The following DGKI variants were observed in gnomAD, a reference collection of about 807,000 sequenced individuals.
DGKI encodes the protein DAG kinase iota.
A neutral mutation model predicts 147.5 loss-of-function variants in DGKI; 55 were observed. The observed-to-expected ratio is 0.37, with a 90% CI of 0.30 to 0.47. The LOEUF (loss-of-function observed/expected upper bound fraction) is 0.47. Among genes scored for constraint, DGKI ranks in the 20% least tolerant of loss-of-function variants. The pLI is 1.00. For synonymous variants in DGKI, 469 were observed against 477.1 expected, an observed-to-expected ratio of 0.98 and a Z score of 0.22; for missense variants, 1,007 against 1,323.8, an observed-to-expected ratio of 0.76 and a Z score of 3.71.
chr7:137,732,161 C>T (rs1157811545), intron 1 of DGKI, among the ~76,000 whole-genome samples: 3 of 151,984 alleles, frequency 2.0e-5, no homozygotes, highest in Non-Finnish European at 4.4e-5. Context: ...TCTAGTTTCA[C>T]AATAGTATAT....
intron 18 of DGKI, among the ~76,000 whole-genome samples, chr7:137,571,878 G>GAAGGACA (rs1025292635): frequency 1.3e-5 from 2 of 151,798 alleles, no homozygotes; most frequent in African/African-American, 4.8e-5. Flanking sequence ...AAGAGAGGAA[G>GAAGGACA]AAGGACAAGA....
Position 137,577,241 on chromosome 7 carries a change from G to A in DGKI, c.1742C>T (p.Ser581Phe). 5 of 1,598,072 alleles carry A rather than the reference G, an allele frequency of 3.1e-6. No homozygotes were observed. The highest frequency in any genetic ancestry group is 4.3e-6 in the Non-Finnish European group (5 of 1,169,260). Residue 581 changes from serine to phenylalanine, a missense_variant, in exon 17 of 33, where the codon TCC becomes TTC. Ser to Phe is a radical substitution (Grantham distance 155). Coordinates refer to ENST00000614521, the MANE Select transcript of DGKI (RefSeq NM_001321708.2). The part of the protein sequence containing the change: ...DFLQRSSRDL[S>F]KHVKVVCDGT... ...ACTTACAACAACTTTAACATGTTTG[G>A]ATAGATCTCTAGAACTTCTCTGTAG...
intron 1 of DGKI, among the ~76,000 whole-genome samples, chr7:137,754,846 C>A (rs3800654): frequency 0.25 from 37,288 of 151,984 alleles, 4,761 homozygotes; most frequent in Middle Eastern, 0.39. Flanking sequence ...TGACTCACAG[C>A]AGAGGGGTGG....
chr7:137,586,382 C>T (rs1819396443), intron 13 of DGKI, among the ~76,000 whole-genome samples: 1 of 151,430 alleles, frequency 6.6e-6, no homozygotes, highest in South Asian at 2.1e-4. Context: ...GAGCTGAGAT[C>T]GTACCACTGC....
chr7:137,575,368 C>T (rs1015280592), intron 17 of DGKI, among the ~76,000 whole-genome samples: 3 of 152,124 alleles, frequency 2.0e-5, no homozygotes, highest in African/African-American at 7.2e-5. Context: ...TAAAGTCACC[C>T]ATGCATGAGA....
intron 20 of DGKI, among the ~76,000 whole-genome samples, chr7:137,533,236 C>T (rs909999087): frequency 1.3e-5 from 2 of 151,982 alleles, no homozygotes; most frequent in Admixed American, 6.6e-5. Flanking sequence ...TTGCAATCAA[C>T]TATAATAGTG....
chr7:137,797,550 G>C (rs1424366), intron 1 of DGKI, among the ~76,000 whole-genome samples: 46,883 of 151,948 alleles, frequency 0.31, 7,404 homozygotes, highest in Middle Eastern at 0.42. Flanking sequence ...GAAGGAAACA[G>C]AGCTGTATAT....
At chr7:137,393,680 T>C (rs574357479) in intron 32 of DGKI, among the ~76,000 whole-genome samples, 13 of 152,214 alleles carry the variant, frequency 8.5e-5, no homozygotes, top group Admixed American at 5.2e-4. Context: ...TTTGAAATAG[T>C]GTACCCAATT....
At chr7:137,728,711 C>T (rs775739353) in intron 1 of DGKI, among the ~76,000 whole-genome samples, 68 of 152,146 alleles carry the variant, frequency 4.5e-4, no homozygotes, top group Non-Finnish European at 7.9e-4. Context: ...CAGCTTTTCC[C>T]CCCATGGTTT....
At chr7:137,742,919 A>G (rs1795221047) in intron 1 of DGKI, among the ~76,000 whole-genome samples, 1 of 152,210 alleles carries the variant, frequency 6.6e-6, no homozygotes, top group Admixed American at 6.5e-5. Flanking sequence ...TCTAGTGGGA[A>G]CTGGGCTTTA....
At chr7:137,502,144 G>A (rs1816196397) in intron 21 of DGKI, among the ~76,000 whole-genome samples, 1 of 152,148 alleles carries the variant, frequency 6.6e-6, no homozygotes, top group African/African-American at 2.4e-5. Flanking sequence ...CCCAGTCTCA[G>A]GTATGTCTTT....
At chr7:137,425,224 C>A (rs1370404023) in intron 28 of DGKI, among the ~76,000 whole-genome samples, 1 of 135,634 alleles carries the variant, frequency 7.4e-6, no homozygotes, top group African/African-American at 3.6e-5. Context: ...GATCAGACAG[C>A]AGCATTTGTG....
At chr7:137,417,468 G>T (rs1812401787) in intron 28 of DGKI, among the ~76,000 whole-genome samples, 1 of 152,214 alleles carries the variant, frequency 6.6e-6, no homozygotes, top group African/African-American at 2.4e-5. Flanking sequence ...GGACTGAGAA[G>T]TCAAGACTTC....
intron 2 of DGKI, among the ~76,000 whole-genome samples, chr7:137,686,790 C>T (rs574801104): frequency 4.4e-4 from 67 of 152,160 alleles, no homozygotes; most frequent in Non-Finnish European, 9.1e-4. Context: ...CAGACTTCTC[C>T]TCAAAGCCTT....
intron 1 of DGKI, among the ~76,000 whole-genome samples, chr7:137,691,216 A>C (rs967556024): frequency 3.9e-5 from 6 of 152,214 alleles, no homozygotes; most frequent in Non-Finnish European, 5.9e-5. Context: ...ATGTACATTT[A>C]AGCAGCTGGG....
intron 19 of DGKI, among the ~76,000 whole-genome samples, chr7:137,554,229 T>C (rs1367580304): frequency 2.0e-5 from 3 of 152,198 alleles, no homozygotes; most frequent in African/African-American, 7.2e-5. Context: ...TGGAACAAAT[T>C]AGAGTATAAG....
intron 28 of DGKI, among the ~76,000 whole-genome samples, chr7:137,440,402 T>C (rs1012735822): frequency 1.3e-5 from 2 of 152,234 alleles, no homozygotes. Flanking sequence ...GTTATTTTTG[T>C]TCTGCTCTGT....
chr7:137,668,207 G>C lies in DGKI; in HGVS notation c.606+10350C>G, dbSNP rs199900036. ...TGCTTCATATGATCTGTTCTCATGA[G>C]ATCCCTAGGGGAACTGACTAATGAC... is the stretch of plus-strand genomic sequence containing the variant. On this transcript the variant is annotated intron_variant, in intron 3 of 32. Coordinates refer to ENST00000614521, the MANE Select transcript of DGKI (RefSeq NM_001321708.2). Among the ~76,000 whole-genome samples the C allele has an allele frequency of 3.9e-5, 6 of 152,338 alleles. No homozygotes were observed. The East Asian group carries it at 1.2e-3, about 29-fold the overall frequency.
At chr7:137,621,069 A>T (rs2128997684) in intron 7 of DGKI, among the ~76,000 whole-genome samples, 1 of 152,296 alleles carries the variant, frequency 6.6e-6, no homozygotes, top group African/African-American at 2.4e-5. Flanking sequence ...ATTACATAAC[A>T]TTAGAGAGGT....
Sources: allele counts gnomAD v4.1 joint callset (sites outside exome capture counted in the v4.1 genomes callset), GRCh38; gene constraint gnomAD v4.1.1; transcripts MANE v1.5; gene names NCBI Gene and HGNC (gene_info 2026-07-23, HGNC 2026-07-21).